The following OPCML variants were observed in gnomAD, a reference collection of about 807,000 sequenced individuals.
OPCML encodes the protein opioid-binding protein/cell adhesion molecule.
In OPCML, 13 loss-of-function variants were observed where a neutral mutation model predicts 37.8. The ratio of observed to expected loss-of-function variants is 0.34; its 90% CI spans 0.22 to 0.55. OPCML has a LOEUF of 0.55. Among genes scored for constraint, OPCML ranks in the 20% least tolerant of loss-of-function variants. The probability of loss-of-function intolerance (pLI) is 0.91; values close to 1 mark genes in which losing one functional copy is unlikely to be tolerated. For missense variants in OPCML, 341 were observed against 435.6 expected, an observed-to-expected ratio of 0.78 and a Z score of 1.93; for synonymous variants, 176 against 168.8, an observed-to-expected ratio of 1.04 and a Z score of -0.33.
chr11:132,872,866 T>C (rs1942863695), intron 2 of OPCML, among the ~76,000 whole-genome samples: 2 of 152,154 alleles, frequency 1.3e-5, no homozygotes, highest in South Asian at 4.2e-4. Flanking sequence ...ATTAGCTGAG[T>C]ATCATTAGTT....
chr11:133,168,740 C>A (rs929927228), intron 1 of OPCML, among the ~76,000 whole-genome samples: 4 of 152,120 alleles, frequency 2.6e-5, no homozygotes, highest in Non-Finnish European at 5.9e-5. Flanking sequence ...CCCAGCATGC[C>A]CTAATTACGG....
At chr11:132,436,543 T>C (rs2096013666) in intron 6 of OPCML, 116 bp downstream of exon 6, 1 of 1,499,568 alleles carries the variant, frequency 6.7e-7, no homozygotes, top group Non-Finnish European at 8.9e-7. Flanking sequence ...AAAGAGGGCA[T>C]AGTATATTTC....
At chr11:133,355,834 T>C (rs1250003417) in intron 1 of OPCML, among the ~76,000 whole-genome samples, 1 of 152,194 alleles carries the variant, frequency 6.6e-6, no homozygotes, top group Admixed American at 6.5e-5. Context: ...GTTATAGAAC[T>C]ATGCAGTTGC....
intron 1 of OPCML, among the ~76,000 whole-genome samples, chr11:133,111,879 G>A (rs1170368729): frequency 6.6e-6 from 1 of 152,108 alleles, no homozygotes; most frequent in Non-Finnish European, 1.5e-5. Flanking sequence ...CTGCAGGATG[G>A]GTGGAGGATG....
chr11:132,589,006 T>C (rs1341474497), intron 3 of OPCML, among the ~76,000 whole-genome samples: 1 of 152,230 alleles, frequency 6.6e-6, no homozygotes, highest in Non-Finnish European at 1.5e-5. Flanking sequence ...TCTATAATTC[T>C]GGGATTGTTT....
chr11:132,965,971 TTTG>T lies in OPCML; in HGVS notation c.62-22964_62-22962del, dbSNP rs376966483. Among the ~76,000 whole-genome samples the T allele has an allele frequency of 4.0e-3, 615 of 152,256 alleles. 8 individuals are homozygous for T. The highest frequency in any genetic ancestry group is 0.012 in the African/African-American group (518 of 41,586). On this transcript the variant is annotated intron_variant, in intron 1 of 7. Coordinates refer to ENST00000524381, the MANE Select transcript of OPCML (RefSeq NM_001012393.5). ...TCAGACTAGCCAAAGGTTTGTCAATTTTGTTGATATTTTCAAAGAATCAATTTG... is the reference window on the plus strand; with the variant it reads ...TCAGACTAGCCAAAGGTTTGTCAATTTTGATATTTTCAAAGAATCAATTTG...
At chr11:132,655,047 T>G (rs1353272948) in intron 3 of OPCML, among the ~76,000 whole-genome samples, 5 of 152,216 alleles carry the variant, frequency 3.3e-5, no homozygotes, top group Admixed American at 3.3e-4. Context: ...TCGCTCAGCA[T>G]GTGTTATGGA....
chr11:132,724,817 T>G (rs182014316), intron 2 of OPCML, among the ~76,000 whole-genome samples: 88 of 152,298 alleles, frequency 5.8e-4, no homozygotes, highest in African/African-American at 2.1e-3. Flanking sequence ...ACAGGCCCCA[T>G]GCAAGTCTGA....
chr11:132,745,648 G>A (rs1160341678), intron 2 of OPCML, among the ~76,000 whole-genome samples: 1 of 151,822 alleles, frequency 6.6e-6, no homozygotes, highest in Non-Finnish European at 1.5e-5. Context: ...CTTTCTTGAG[G>A]GTTTTTCTCC....
chr11:133,354,300 GGTGACGTGTTGGTA>G (rs1944225718), intron 1 of OPCML, among the ~76,000 whole-genome samples: 1 of 104,246 alleles, frequency 9.6e-6, no homozygotes, highest in Non-Finnish European at 2.0e-5. Flanking sequence ...TGCTGGTGGT[GGTGACGTGTTGGTA>G]GTGGTGGTGG....
intron 2 of OPCML, among the ~76,000 whole-genome samples, chr11:132,718,606 G>A (rs1005696248): frequency 1.3e-5 from 2 of 152,132 alleles, no homozygotes; most frequent in Admixed American, 6.5e-5. Context: ...GCTGGCTGAC[G>A]TGTCCATACG....
At chr11:133,486,293 A>G (rs893917185) in intron 1 of OPCML, among the ~76,000 whole-genome samples, 2 of 151,880 alleles carry the variant, frequency 1.3e-5, no homozygotes, top group African/African-American at 4.8e-5. Context: ...TCTTTCCTCA[A>G]CTCCAGTCAA....
At chr11:133,025,500 C>A (rs995282260) in intron 1 of OPCML, 5 of 984,324 alleles carry the variant, frequency 5.1e-6, no homozygotes, top group Non-Finnish European at 6.0e-6. Flanking sequence ...AGTCGGCTCT[C>A]TCAGGAACAC....
chr11:132,970,315 CTAAT>C (rs1277407281), intron 1 of OPCML, among the ~76,000 whole-genome samples: 3 of 152,286 alleles, frequency 2.0e-5, no homozygotes, highest in Non-Finnish European at 4.4e-5. Context: ...TACCTCAAGT[CTAAT>C]TACCCTTTTG....
At chr11:133,137,094 T>C (rs1364912209) in intron 1 of OPCML, among the ~76,000 whole-genome samples, 1 of 152,214 alleles carries the variant, frequency 6.6e-6, no homozygotes, top group Non-Finnish European at 1.5e-5. Flanking sequence ...GTTTAGCTCC[T>C]ATTTAACAAC....
intron 4 of OPCML, among the ~76,000 whole-genome samples, chr11:132,443,706 T>C (rs1443277124): frequency 6.6e-6 from 1 of 152,202 alleles, no homozygotes; most frequent in African/African-American, 2.4e-5. Context: ...CATGGACATC[T>C]GGAGTAAGAT....
intron 1 of OPCML, among the ~76,000 whole-genome samples, chr11:132,991,845 A>G (rs1296277164): frequency 3.9e-5 from 6 of 152,008 alleles, no homozygotes; most frequent in Non-Finnish European, 8.8e-5. Context: ...TAAGTGAAAT[A>G]CCTGGAAAAT....
intron 2 of OPCML, among the ~76,000 whole-genome samples, chr11:132,829,731 G>A (rs1416529567): frequency 6.6e-6 from 1 of 152,090 alleles, no homozygotes; most frequent in Non-Finnish European, 1.5e-5. Flanking sequence ...TTCTGTTTTT[G>A]GGGGTTTGCT....
intron 3 of OPCML, among the ~76,000 whole-genome samples, chr11:132,579,792 A>C (rs1479728883): frequency 1.3e-5 from 2 of 152,218 alleles, no homozygotes; most frequent in Non-Finnish European, 2.9e-5. Flanking sequence ...GTGAGGCAGT[A>C]AATTTCGCAG....
Sources: gnomAD v4.1 joint callset for allele counts (sites outside exome capture counted in the v4.1 genomes callset) on GRCh38, gnomAD v4.1.1 for gene constraint, MANE v1.5 for transcripts, NCBI Gene and HGNC (gene_info 2026-07-23, HGNC 2026-07-21) for gene names.